The following FGD1 variants were observed in gnomAD, a reference collection of about 807,000 sequenced individuals.
FGD1 encodes the protein FYVE, RhoGEF and PH domain-containing protein 1.
Under a neutral mutation model 65.0 loss-of-function variants are expected in FGD1, and 12 were observed. The observed-to-expected ratio is 0.18, with a 90% CI of 0.12 to 0.30. The LOEUF is 0.30. FGD1 is among the 10% of genes least tolerant of loss of function. FGD1 has a pLI of 1.00. For synonymous variants in FGD1, 333 were observed against 343.9 expected, an observed-to-expected ratio of 0.97 and a Z score of 0.35; for missense variants, 542 against 837.6, an observed-to-expected ratio of 0.65 and a Z score of 4.36.
intron 14 of FGD1, among the ~76,000 whole-genome samples, 185 bp from the exon 15 acceptor site, chrX:54,449,453 C>G (rs752526841): frequency 9.0e-6 from 1 of 111,729 alleles, no homozygotes; most frequent in African/African-American, 3.2e-5. Context: ...CTACTGAAGA[C>G]AAGTCACTTC....
chrX:54,471,531 C>T, intron 1 of FGD1, 44 bp from the exon 2 acceptor site: 1 of 1,145,763 alleles, frequency 8.7e-7, no homozygotes, highest in East Asian at 3.0e-5. Context: ...TGACTTTAAC[C>T]CAAAGGGGAC....
intron 12 of FGD1, among the ~76,000 whole-genome samples, chrX:54,453,894 C>T (rs1440518738): frequency 2.7e-5 from 3 of 111,502 alleles, no homozygotes; most frequent in African/African-American, 6.5e-5. Flanking sequence ...TTATAATCAT[C>T]GAAGTAGAGA....
chrX:54,446,083 G>A lies in FGD1; in HGVS notation c.*26C>T. On this transcript the variant is annotated 3_prime_UTR_variant, in exon 18 of 18. Transcript: ENST00000375135. ...ACATGGGCAACTAGAGTGTGGGGTG[G>A]GGGCTCCCAGTTTGTCCCAAACCCT... 8.6e-7 allele frequency: 1 copy of A among 1,163,945 alleles called. No individual in the cohort carries two copies. The highest frequency in any genetic ancestry group is 1.2e-6 in the Non-Finnish European group (1 of 860,908).
intron 1 of FGD1, among the ~76,000 whole-genome samples, chrX:54,476,842 T>C (rs1180045224): frequency 9.1e-6 from 1 of 110,333 alleles, no homozygotes; most frequent in Non-Finnish European, 1.9e-5. Context: ...CAAATCTTTC[T>C]TATTTTTTAT....
In FGD1 at chrX:54,473,254, G is replaced by A. The variant is rs762578627; in HGVS notation, c.308-1767C>T. Among the ~76,000 whole-genome samples the A allele has an allele frequency of 5.4e-5, 6 of 112,078 alleles. No individual in the cohort carries two copies. The South Asian group carries it at 1.8e-3, about 35-fold the overall frequency. On this transcript the variant is annotated intron_variant, in intron 1 of 17. Transcript: ENST00000375135. ...CCCAGTTAGACATTCTTCAAACATG[G>A]TTTCACTGAGTCACAAAAGATATAC...
At chrX:54,448,069 A>G (rs1483048057) in intron 16 of FGD1, among the ~76,000 whole-genome samples, 1 of 112,474 alleles carries the variant, frequency 8.9e-6, no homozygotes, top group African/African-American at 3.2e-5. Context: ...ATGCCTAGAA[A>G]GATAGGATAA....
chrX:54,488,064 G>A (rs1352867186), intron 1 of FGD1, among the ~76,000 whole-genome samples: 1 of 96,979 alleles, frequency 1.0e-5, no homozygotes, highest in African/African-American at 3.9e-5. Flanking sequence ...AGGAGTTCAA[G>A]ACCAGCCTGG....
chrX:54,491,087 T>C (rs1187223033), intron 1 of FGD1, among the ~76,000 whole-genome samples: 2 of 111,353 alleles, frequency 1.8e-5, no homozygotes, highest in African/African-American at 6.5e-5. Context: ...CAGAAGAAAG[T>C]TCCTTGTCAG....
intron 1 of FGD1, among the ~76,000 whole-genome samples, chrX:54,476,532 T>A (rs1302797097): frequency 9.1e-6 from 1 of 109,607 alleles, no homozygotes; most frequent in Non-Finnish European, 1.9e-5. Context: ...TAATTTTTTT[T>A]GTAGAGATGG....
At chrX:54,485,687 T>G (rs1312379510) in intron 1 of FGD1, among the ~76,000 whole-genome samples, 1 of 111,226 alleles carries the variant, frequency 9.0e-6, no homozygotes, top group East Asian at 2.8e-4. Flanking sequence ...CCCAGGCTGG[T>G]CATGAACTCC....
At chrX:54,475,909 A>C (rs1164329336) in intron 1 of FGD1, among the ~76,000 whole-genome samples, 1 of 111,923 alleles carries the variant, frequency 8.9e-6, no homozygotes, top group East Asian at 2.8e-4. Flanking sequence ...TCTACTAAAA[A>C]TACAAAATTA....
intron 8 of FGD1, among the ~76,000 whole-genome samples, chrX:54,458,411 C>T (rs1171088309): frequency 9.1e-6 from 1 of 109,934 alleles, no homozygotes; most frequent in Non-Finnish European, 1.9e-5. Context: ...CGTGGTGGCA[C>T]GTGCCTGTAA....
intron 1 of FGD1, among the ~76,000 whole-genome samples, chrX:54,478,224 G>A (rs1244489817): frequency 8.9e-6 from 1 of 111,809 alleles, no homozygotes; most frequent in Non-Finnish European, 1.9e-5. Context: ...CCAAATGAAT[G>A]TGGCAGAGCC....
chrX:54,495,442 C>CCTG lies in FGD1; in HGVS notation c.-11_-10insCAG. ...CTCGGTGGCCATGCATGGTCCGGGC[C>CCTG]TGGGCGCGGGGCCCGAGCTCCCCGC... is the stretch of plus-strand genomic sequence containing the variant. On this transcript the variant is annotated 5_prime_UTR_variant, in exon 1 of 18. Transcript: ENST00000375135. 2 of 979,309 alleles carry CCTG rather than the reference C, an allele frequency of 2.0e-6. No homozygotes were observed. The highest frequency in any genetic ancestry group is 2.6e-6 in the Non-Finnish European group (2 of 783,960). 80.7% of individuals were successfully genotyped at this position (979,309 alleles called of 1,213,427 possible).
At position 54,456,334 on chromosome X, in the gene FGD1, C is replaced by T; in HGVS notation, c.1728G>A (p.Glu576=). 1 of 1,211,589 alleles carries T rather than the reference C, an allele frequency of 8.3e-7. No homozygotes were observed. The highest frequency in any genetic ancestry group is 1.8e-5 in the South Asian group (1 of 56,975). ...ERMHKLLKVY[E]LLGGEEDIVS... is the part of the protein sequence containing the mutation. ...CAATGTCCTCCTCGCCCCCTAACAG[C>T]TCATATACCTTCAGCAGCTTATGCA... Residue 576 remains glutamate, a synonymous_variant, in exon 10 of 18, where the codon GAG becomes GAA. Coordinates refer to ENST00000375135, the MANE Select transcript of FGD1 (RefSeq NM_004463.3).
chrX:54,495,504 G>A lies in FGD1; in HGVS notation c.-72C>T. On this transcript the variant is annotated 5_prime_UTR_variant, in exon 1 of 18. Coordinates refer to ENST00000375135, the MANE Select transcript of FGD1 (RefSeq NM_004463.3). The stretch of plus-strand genomic sequence containing the variant: ...TCCTGGGGCGGAGGCGCGGGCGGAG[G>A]AGGCCCGGCGCCCGGCGGAGCAGCG... 1.9e-5 allele frequency: 14 copies of A among 750,141 alleles called. No homozygotes were observed. Among genetic ancestry groups the A allele is most frequent in the Non-Finnish European group, 2.4e-5 (14 of 590,520 alleles). The allele number at this position is 750,141 out of a possible 1,213,427, so 61.8% of individuals were successfully genotyped here.
rs552289674 is a variant in FGD1, at chrX:54,447,472, G to C, written c.2437-18C>G. ...GCCTGTTTCTGTGGCCAGAGACACCGGGCATCAATGTTGACAGAAGGCCTA... is the reference window on the plus strand; with the variant it reads ...GCCTGTTTCTGTGGCCAGAGACACCCGGCATCAATGTTGACAGAAGGCCTA... On this transcript the variant is annotated intron_variant, in intron 16 of 17. Coordinates refer to ENST00000375135, the MANE Select transcript of FGD1 (RefSeq NM_004463.3). 3.3e-6 allele frequency: 4 copies of C among 1,203,921 alleles called. No homozygotes were observed. The highest frequency in any genetic ancestry group is 4.5e-6 in the Non-Finnish European group (4 of 891,543).
chrX:54,495,691 G>GCCCCGT lies in FGD1; in HGVS notation c.-260_-259insACGGGG, dbSNP rs1394943228. 1 of 129,014 alleles carries GCCCCGT rather than the reference G, an allele frequency of 7.8e-6. No individual in the cohort carries two copies. Among genetic ancestry groups the GCCCCGT allele is most frequent in the African/African-American group, 3.2e-5 (1 of 31,210 alleles). 10.6% of individuals were successfully genotyped at this position (129,014 alleles called of 1,213,427 possible). A position where few individuals can be genotyped will look rare whatever the true frequency, so the allele number is the denominator to read the frequency against. On this transcript the variant is annotated 5_prime_UTR_variant, in exon 1 of 18. Transcript: ENST00000375135. Reference sequence around the variant, plus strand: ...CCAGGCATCGCCGGCCCCGGCCCCGGCCCCGCGCGGGGAGTGGGCTCGGCG... The same window carrying GCCCCGT: ...CCAGGCATCGCCGGCCCCGGCCCCGGCCCCGTCCCCGCGCGGGGAGTGGGCTCGGCG...
chrX:54,455,433 G>A lies in FGD1; in HGVS notation c.2015+15C>T. On this transcript the variant is annotated intron_variant, in intron 12 of 17. Transcript: ENST00000375135. ...AGGTAGGCGCTGGAGGAAAGGCATA[G>A]GCAAGGATAAGTACCTGGCCTGGAG... The A allele has an allele frequency of 8.4e-7, 1 of 1,189,150 alleles. No individual in the cohort carries two copies. Among genetic ancestry groups the A allele is most frequent in the Non-Finnish European group, 1.1e-6 (1 of 874,907 alleles).
Sources: gnomAD v4.1 joint callset for allele counts (sites outside exome capture counted in the v4.1 genomes callset) on GRCh38, gnomAD v4.1.1 for gene constraint, MANE v1.5 for transcripts, NCBI Gene and HGNC (gene_info 2026-07-23, HGNC 2026-07-21) for gene names.